The following HIRA variants were observed in gnomAD, a reference collection of about 807,000 sequenced individuals.
HIRA encodes protein HIRA.
HIRA carries 13 observed loss-of-function variants against 126.6 expected under a neutral mutation model. The ratio of observed to expected loss-of-function variants is 0.10; its 90% CI spans 0.07 to 0.16. The LOEUF is 0.16. Ranked by LOEUF, HIRA falls within the 10% of genes least tolerant of loss-of-function variation. HIRA has a pLI of 1.00. For missense variants in HIRA, 834 were observed against 1,314.4 expected (o/e 0.63, Z 5.65); for synonymous variants, 511 against 520.0 (o/e 0.98, Z 0.24).
intron 22 of HIRA, 93 bp downstream of exon 22, chr22:19,353,903 G>A: frequency 6.8e-7 from 1 of 1,467,776 alleles, no homozygotes; most frequent in Non-Finnish European, 9.2e-7. Flanking sequence ...GGCAGGTGGA[G>A]ACCAGGCCTG....
intron 1 of HIRA, among the ~76,000 whole-genome samples, chr22:19,429,054 T>A (rs935305226): frequency 4.0e-5 from 6 of 151,084 alleles, no homozygotes; most frequent in African/African-American, 1.5e-4. Flanking sequence ...GAACATTCCA[T>A]GAGATTTTAA....
At chr22:19,348,247 T>G (rs782817013) in intron 24 of HIRA, among the ~76,000 whole-genome samples, 6 of 152,136 alleles carry the variant, frequency 3.9e-5, no homozygotes, top group Admixed American at 6.6e-5. Context: ...CTCAAACTAT[T>G]TCTACAATAA....
chr22:19,339,615 G>A (rs1325565392), intron 24 of HIRA, among the ~76,000 whole-genome samples: 5 of 145,794 alleles, frequency 3.4e-5, no homozygotes, highest in Admixed American at 1.4e-4. Flanking sequence ...CAGCCTGGGC[G>A]ACAGAGCGAG....
chr22:19,399,196 G>A (rs1455514426), intron 5 of HIRA: 1 of 974,768 alleles, frequency 1.0e-6, no homozygotes, highest in Non-Finnish European at 1.2e-6. Context: ...TGCAGTGCTA[G>A]GTATACAGAA....
intron 5 of HIRA, among the ~76,000 whole-genome samples, chr22:19,399,368 T>C (rs1395482049): frequency 2.7e-5 from 4 of 149,740 alleles, no homozygotes; most frequent in African/African-American, 5.0e-5. Flanking sequence ...TTTTTTTTTT[T>C]CAAATTGTCT....
intron 17 of HIRA, among the ~76,000 whole-genome samples, chr22:19,360,721 GT>G (rs2088855557): frequency 6.6e-6 from 1 of 152,224 alleles, no homozygotes. Context: ...AGGGCTCTGG[GT>G]ATAAAGGATT....
rs2089530765 is a variant in HIRA, at chr22:19,430,923, G to A, written c.37+517C>T. Among the ~76,000 whole-genome samples, 4 of 152,176 alleles carry A rather than the reference G, an allele frequency of 2.6e-5. 1 individual carries two copies. The highest frequency in any genetic ancestry group is 3.9e-4 in the East Asian group (2 of 5,170). On this transcript the variant is annotated intron_variant, in intron 1 of 24. Coordinates refer to ENST00000263208, the MANE Select transcript of HIRA (RefSeq NM_003325.4). ...CATTAATCGTGGATCCTTCGCGGGG[G>A]CCCGGGGCCCCCAAACCCTCCTATT...
At chr22:19,388,601 C>A (rs2097605) in intron 9 of HIRA, 47 bp from the exon 10 acceptor site, 4 of 1,472,128 alleles carry the variant, frequency 2.7e-6, no homozygotes, top group Non-Finnish European at 3.8e-6. Flanking sequence ...CTGAAATCCC[C>A]TTCTGTATTC....
At chr22:19,331,844 C>A (rs1313567463) in intron 24 of HIRA, among the ~76,000 whole-genome samples, 1 of 152,168 alleles carries the variant, frequency 6.6e-6, no homozygotes, top group Non-Finnish European at 1.5e-5. Context: ...CTGAGCAGTT[C>A]CCTGACCATC....
intron 11 of HIRA, among the ~76,000 whole-genome samples, chr22:19,387,507 T>C (rs1601836791): frequency 6.6e-6 from 1 of 152,218 alleles, no homozygotes; most frequent in South Asian, 2.1e-4. Flanking sequence ...ACTCCAGGAC[T>C]TATTTCTGAA....
chr22:19,396,075 G>A (rs2089220955), intron 7 of HIRA, among the ~76,000 whole-genome samples: 1 of 140,768 alleles, frequency 7.1e-6, no homozygotes. Flanking sequence ...TGGCACAAGA[G>A]TCTCCTCCAT....
intron 24 of HIRA, among the ~76,000 whole-genome samples, chr22:19,343,032 T>C (rs1456454141): frequency 9.2e-5 from 14 of 152,168 alleles, no homozygotes; most frequent in African/African-American, 3.4e-4. Flanking sequence ...CACTTATAAG[T>C]AGGAGCTAAC....
At chr22:19,390,601 CA>C (rs575050947) in intron 9 of HIRA, among the ~76,000 whole-genome samples, 803 of 38,228 alleles carry the variant, frequency 0.021, 9 homozygotes, top group African/African-American at 0.066. Flanking sequence ...GACTCTGTCT[CA>C]AAAAAAAAAA....
chr22:19,400,595 T>G (rs2089260010), intron 5 of HIRA, among the ~76,000 whole-genome samples: 1 of 152,200 alleles, frequency 6.6e-6, no homozygotes, highest in Non-Finnish European at 1.5e-5. Flanking sequence ...CATAATTTTC[T>G]CCTAAACTCC....
chr22:19,361,602 C>A, intron 16 of HIRA, 125 bp downstream of exon 16: 1 of 936,768 alleles, frequency 1.1e-6, no homozygotes, highest in South Asian at 1.5e-5. Context: ...CCAGGGGCTG[C>A]ATGTCTAAGC....
intron 1 of HIRA, among the ~76,000 whole-genome samples, chr22:19,412,054 T>A (rs2089357335): frequency 6.6e-6 from 1 of 152,206 alleles, no homozygotes; most frequent in Admixed American, 6.5e-5. Context: ...GTATCCCTTA[T>A]CTGAAACACC....
chr22:19,401,061 TCTC>T (rs1302961891), intron 5 of HIRA, among the ~76,000 whole-genome samples: 4 of 151,950 alleles, frequency 2.6e-5, no homozygotes, highest in Non-Finnish European at 5.9e-5. Flanking sequence ...CCCCTTTTCT[TCTC>T]CTCCATCTTC....
At chr22:19,427,368 A>G (rs1017711088) in intron 1 of HIRA, among the ~76,000 whole-genome samples, 3 of 152,250 alleles carry the variant, frequency 2.0e-5, no homozygotes, top group African/African-American at 7.2e-5. Flanking sequence ...ATAGGTCTGC[A>G]GTGCCCTCCG....
chr22:19,412,879 A>T (rs2089365328), intron 1 of HIRA, among the ~76,000 whole-genome samples: 1 of 152,208 alleles, frequency 6.6e-6, no homozygotes, highest in African/African-American at 2.4e-5. Context: ...GAAAGTAAAG[A>T]TACATAATCA....
Sources: gnomAD v4.1 joint callset for allele counts (sites outside exome capture counted in the v4.1 genomes callset) on GRCh38, gnomAD v4.1.1 for gene constraint, MANE v1.5 for transcripts, NCBI Gene and HGNC (gene_info 2026-07-23, HGNC 2026-07-21) for gene names.